TBX22: variants seen among roughly 807,000 people sequenced by gnomAD.
TBX22 encodes the protein T-box transcription factor TBX22.
In TBX22, 8 loss-of-function variants were observed where a neutral mutation model predicts 30.1. That is an observed-to-expected ratio of 0.27 (90% confidence interval 0.16 to 0.48). The LOEUF (loss-of-function observed/expected upper bound fraction) is 0.48, where lower values mean the gene tolerates loss of function less well. Among genes scored for constraint, TBX22 ranks in the 20% least tolerant of loss-of-function variants. TBX22 has a pLI of 0.99. For missense variants in TBX22, 463 were observed against 400.5 expected (o/e 1.16, Z -1.33); for synonymous variants, 173 against 149.1 (o/e 1.16, Z -1.17).
chrX:80,023,413 T>C (rs2147592332), intron 3 of TBX22, 173 bp downstream of exon 3: 1 of 477,431 alleles, frequency 2.1e-6, no homozygotes, highest in African/African-American at 2.4e-5. Context: ...GGGCTCGGAC[T>C]TACCTGGCCC....
chrX:80,030,838 T>C lies in TBX22; in HGVS notation c.1290T>C (p.Ser430=), dbSNP rs775619034. 1.2e-5 allele frequency: 15 copies of C among 1,210,441 alleles called. No homozygotes were observed. The highest frequency in any genetic ancestry group is 1.5e-5 in the Non-Finnish European group (13 of 895,205). Residue 430 remains serine, a synonymous_variant, in exon 9 of 9, where the codon AGT becomes AGC. Transcript: ENST00000373296. ...NSKSGSSEDS[S]DQYLQAPNST... The stretch of plus-strand genomic sequence containing the variant: ...AAAGCGGTTCATCTGAAGACTCCAG[T>C]GATCAGTATCTACAAGCACCTAATT...
intron 1 of TBX22, among the ~76,000 whole-genome samples, chrX:80,018,073 G>A (rs186017666): frequency 6.3e-5 from 7 of 111,977 alleles, no homozygotes; most frequent in Admixed American, 5.7e-4. Flanking sequence ...AACAAAGTTT[G>A]ACATGCATAA....
intron 4 of TBX22, among the ~76,000 whole-genome samples, chrX:80,024,394 C>T (rs900389766): frequency 5.4e-5 from 6 of 111,404 alleles, no homozygotes; most frequent in African/African-American, 1.3e-4. Flanking sequence ...CTTGGAATGC[C>T]GTGAATTCAG....
At chrX:80,017,655 T>A (rs1286551920) in intron 1 of TBX22, among the ~76,000 whole-genome samples, 1 of 111,908 alleles carries the variant, frequency 8.9e-6, no homozygotes, top group East Asian at 2.8e-4. Flanking sequence ...GTTTTTTCTT[T>A]TTCGTTTATT....
At chrX:80,017,362 C>T (rs1001557253) in intron 1 of TBX22, among the ~76,000 whole-genome samples, 1 of 107,596 alleles carries the variant, frequency 9.3e-6, no homozygotes, top group Non-Finnish European at 1.9e-5. Context: ...CAGGATCTTG[C>T]TATGTTGCCC....
chrX:80,022,045 CA>C (rs1408744281), intron 1 of TBX22, among the ~76,000 whole-genome samples: 1 of 110,822 alleles, frequency 9.0e-6, no homozygotes, highest in East Asian at 2.8e-4. Context: ...CACACACACA[CA>C]CACACACACA....
At chrX:80,022,210 C>A in intron 1 of TBX22, 58 bp from the exon 2 acceptor site, 1 of 1,147,182 alleles carries the variant, frequency 8.7e-7, no homozygotes, top group Non-Finnish European at 1.2e-6. Context: ...CTCCCCCTCC[C>A]TCCCTAACCC....
intron 4 of TBX22, among the ~76,000 whole-genome samples, chrX:80,024,670 G>A (rs1204810698): frequency 1.8e-5 from 2 of 112,150 alleles, no homozygotes; most frequent in Non-Finnish European, 3.8e-5. Context: ...GTCTAGGCCT[G>A]TCTTTTCGTC....
At chrX:80,028,721 A>C (rs930339374) in intron 8 of TBX22, among the ~76,000 whole-genome samples, 11 of 111,903 alleles carry the variant, frequency 9.8e-5, no homozygotes, top group African/African-American at 3.6e-4. Context: ...TAAATAGAAT[A>C]ATTTTTATTT....
chrX:80,028,954 G>A (rs757288922), intron 8 of TBX22, among the ~76,000 whole-genome samples: 2 of 72,223 alleles, frequency 2.8e-5, no homozygotes, highest in East Asian at 2.8e-3. Context: ...TTAGGGAATT[G>A]CATGAAAAAA....
intron 7 of TBX22, 151 bp from the exon 8 acceptor site, chrX:80,027,840 C>G: frequency 2.0e-6 from 1 of 500,166 alleles, no homozygotes; most frequent in Non-Finnish European, 3.4e-6. Context: ...TTTTAGAATT[C>G]TAGGTTTGAC....
intron 7 of TBX22, 44 bp downstream of exon 7, chrX:80,027,364 A>G (rs748660925): frequency 1.7e-6 from 1 of 598,632 alleles, no homozygotes; most frequent in Non-Finnish European, 2.6e-6. Flanking sequence ...GTAGCTAGCT[A>G]TTTTCACAAG....
chrX:80,024,485 T>C (rs1289052746), intron 4 of TBX22, among the ~76,000 whole-genome samples: 2 of 110,728 alleles, frequency 1.8e-5, no homozygotes, highest in African/African-American at 6.6e-5. Context: ...CTGCAGAGGG[T>C]GTGGGCTCTG....
At chrX:80,022,067 C>CACACAA (rs1362069805) in intron 1 of TBX22, among the ~76,000 whole-genome samples, 3 of 104,364 alleles carry the variant, frequency 2.9e-5, no homozygotes, top group African/African-American at 1.1e-4. Context: ...CACACACACA[C>CACACAA]AATTATTTTC....
Position 80,024,142 on chromosome X carries a change from C to T in TBX22, c.436C>T (p.Pro146Ser). 1 of 1,210,031 alleles carries T rather than the reference C, an allele frequency of 8.3e-7. No homozygotes were observed. Among genetic ancestry groups the T allele is most frequent in the Non-Finnish European group, 1.1e-6 (1 of 894,453 alleles). ...GTACCATGTGGCCATCGATGTGGTG[C>T]CGGTGGATTCCAAACGCTATAGGTA... ...KQYHVAIDVVPVDSKRYRYVY... is the reference protein window; with the variant it reads ...KQYHVAIDVVSVDSKRYRYVY... The change falls in exon 4 of 9, where the codon CCG becomes TCG. Residue 146 changes from proline (P) to serine (S), a missense_variant. Coordinates refer to ENST00000373296, the MANE Select transcript of TBX22 (RefSeq NM_001109878.2).
In TBX22 at chrX:80,026,482, CTGGAAA is replaced by C. The variant is rs757490544; in HGVS notation, c.634-216_634-211del. ...GTTTGAAGCAGGAAAAGGCCCCAATCTGGAAATGGAATCACTGCTGACTGGTGCCGC... is the reference window on the plus strand; with the variant it reads ...GTTTGAAGCAGGAAAAGGCCCCAATCTGGAATCACTGCTGACTGGTGCCGC... On this transcript the variant is annotated intron_variant, in intron 5 of 8. Transcript: ENST00000373296. Among the ~76,000 whole-genome samples, 156 of 112,213 alleles carry C rather than the reference CTGGAAA, an allele frequency of 1.4e-3. No individual in the cohort carries two copies. The Middle Eastern group carries it at 0.023, about 16-fold the overall frequency.
At chrX:80,017,016 A>C (rs939579120) in intron 1 of TBX22, among the ~76,000 whole-genome samples, 1 of 107,963 alleles carries the variant, frequency 9.3e-6, no homozygotes, top group Non-Finnish European at 1.9e-5. Flanking sequence ...AAAAAAAAAA[A>C]AAAAAAAAAG....
At chrX:80,028,444 GT>G (rs1196917604) in intron 8 of TBX22, among the ~76,000 whole-genome samples, 2 of 112,043 alleles carry the variant, frequency 1.8e-5, no homozygotes, top group East Asian at 5.6e-4. Flanking sequence ...GAAATGAATA[GT>G]TTATCTTTTA....
In TBX22 at chrX:80,026,790, C is replaced by A. The variant is rs1017403175; in HGVS notation, c.720C>A (p.Ser240=). 9 of 1,209,065 alleles carry A rather than the reference C, an allele frequency of 7.4e-6. No homozygotes were observed. In the African/African-American group the frequency reaches 1.1e-4, roughly 14 times the overall value. Residue 240 remains serine, a synonymous_variant, in exon 6 of 9, where the codon TCC becomes TCA. Transcript: ENST00000373296. ...GTGTTGACCTGTCCCAGATTCAGTC[C>A]TTGCCCACTGAAGGTGTTAAAACAT... ...GSSVDLSQIQ[S]LPTEGVKTFS...
Sources: gnomAD v4.1 joint callset for allele counts (sites outside exome capture counted in the v4.1 genomes callset) on GRCh38, gnomAD v4.1.1 for gene constraint, MANE v1.5 for transcripts, NCBI Gene and HGNC (gene_info 2026-07-23, HGNC 2026-07-21) for gene names.